The following CDC25C variants were observed in gnomAD, a reference collection of about 807,000 sequenced individuals.
CDC25C encodes the protein cell division cycle 25C, also known as M-phase inducer phosphatase 3.
CDC25C carries 48 observed loss-of-function variants against 52.5 expected under a neutral mutation model. That is an observed-to-expected ratio of 0.91 (90% CI 0.72 to 1.16). The LOEUF (loss-of-function observed/expected upper bound fraction) is 1.16, where lower values mean the gene tolerates loss of function less well. Among genes scored for constraint, CDC25C ranks in the 50% most tolerant of loss-of-function variants. The pLI is 0.00. For missense variants in CDC25C, 510 were observed against 566.1 expected (o/e 0.90, Z 1.01); for synonymous variants, 187 against 206.5 (o/e 0.91, Z 0.81).
chr5:138,285,564 G>A lies in CDC25C; in HGVS notation c.*128C>T, dbSNP rs1756135381. On this transcript the variant is annotated 3_prime_UTR_variant, in exon 14 of 14. Coordinates refer to ENST00000323760, the MANE Select transcript of CDC25C (RefSeq NM_001790.5). ...CCATTCCCAGGCCTGGATACAAGTTGGTAGCCTGTTGGTTTGCAGAGACAT... is the reference window on the plus strand; with the variant it reads ...CCATTCCCAGGCCTGGATACAAGTTAGTAGCCTGTTGGTTTGCAGAGACAT... 1 of 835,198 alleles carries A rather than the reference G, an allele frequency of 1.2e-6. No homozygotes were observed. The highest frequency in any genetic ancestry group is 2.1e-5 in the Admixed American group (1 of 46,522). 51.7% of individuals were successfully genotyped at this position (835,198 alleles called of 1,614,324 possible).
chr5:138,290,536 A>T, intron 9 of CDC25C, 103 bp downstream of exon 9: 1 of 708,560 alleles, frequency 1.4e-6, no homozygotes, highest in East Asian at 2.6e-5. Context: ...ACCAAAGAGT[A>T]CTTGGTGAGG....
At chr5:138,337,321 G>A (rs1580844454) in intron 1 of CDC25C, among the ~76,000 whole-genome samples, 2 of 152,160 alleles carry the variant, frequency 1.3e-5, no homozygotes, top group African/African-American at 4.8e-5. Context: ...GGAGGTGGTG[G>A]TAGTGGTGGA....
At chr5:138,303,422 C>G (rs912349172) in intron 7 of CDC25C, among the ~76,000 whole-genome samples, 1 of 152,118 alleles carries the variant, frequency 6.6e-6, no homozygotes, top group African/African-American at 2.4e-5. Context: ...GCCTACAAGG[C>G]CCTACACGAT....
chr5:138,323,072 C>T (rs1405816102), intron 6 of CDC25C, among the ~76,000 whole-genome samples: 1 of 151,466 alleles, frequency 6.6e-6, no homozygotes, highest in African/African-American at 2.4e-5. Flanking sequence ...TCTTGTTTCT[C>T]AGCCAGGTGC....
chr5:138,332,760 G>A (rs1284851977), upstream of CDC25C, among the ~76,000 whole-genome samples: 2 of 152,164 alleles, frequency 1.3e-5, no homozygotes, highest in East Asian at 1.9e-4. Flanking sequence ...CAGCTACTTG[G>A]GAGGCTGAGG....
At chr5:138,301,702 AAAATTTTTTTTTTTTT>A (rs1327243002) in intron 7 of CDC25C, among the ~76,000 whole-genome samples, 1 of 120,922 alleles carries the variant, frequency 8.3e-6, no homozygotes, top group African/African-American at 3.2e-5. Context: ...AAAAAAAAAA[AAAATTTTTTTTTTTTT>A]TTTCAGATGG....
In CDC25C at chr5:138,286,612, T is replaced by C; in HGVS notation, c.1045A>G (p.Ser349Gly). The C allele has an allele frequency of 3.7e-6, 6 of 1,613,186 alleles. No homozygotes were observed. Among genetic ancestry groups the C allele is most frequent in the Non-Finnish European group, 4.2e-6 (5 of 1,179,446 alleles). The change falls in exon 12 of 14, where the codon AGT becomes GGT. Residue 349 changes from serine to glycine, a missense_variant. By Grantham distance (56) the Ser-to-Gly change is moderately conservative. Coordinates refer to ENST00000323760, the MANE Select transcript of CDC25C (RefSeq NM_001790.5). ...GHIQGALNLY[S>G]QEELFNFFLK... Reference sequence around the variant, plus strand: ...AAGAAGTTAAACAGTTCTTCCTGACTATATAAGTTTAAGGCTCCCTGTAGA... The same window carrying C: ...AAGAAGTTAAACAGTTCTTCCTGACCATATAAGTTTAAGGCTCCCTGTAGA...
At chr5:138,288,680 G>A (rs1293958158) in intron 10 of CDC25C, among the ~76,000 whole-genome samples, 6 of 152,224 alleles carry the variant, frequency 3.9e-5, no homozygotes, top group African/African-American at 9.6e-5. Flanking sequence ...CAACAAGAGC[G>A]AAACTCCATG....
At chr5:138,310,422 A>G (rs1305561332) in intron 7 of CDC25C, among the ~76,000 whole-genome samples, 1 of 152,088 alleles carries the variant, frequency 6.6e-6, no homozygotes, top group Non-Finnish European at 1.5e-5. Context: ...CTCGCCTCGC[A>G]CTCTCCTCTG....
intron 7 of CDC25C, among the ~76,000 whole-genome samples, chr5:138,304,916 T>C (rs1757891274): frequency 6.6e-6 from 1 of 152,176 alleles, no homozygotes; most frequent in African/African-American, 2.4e-5. Context: ...CTCCCTTCAG[T>C]AGCAACTCAT....
Position 138,285,519 on chromosome 5 carries a change from C to T in CDC25C, c.*173G>A, listed in dbSNP as rs1159064010. The T allele has an allele frequency of 4.5e-6, 3 of 670,930 alleles. No homozygotes were observed. The highest frequency in any genetic ancestry group is 7.8e-6 in the Non-Finnish European group (3 of 385,796). 41.6% of individuals were successfully genotyped at this position (670,930 alleles called of 1,614,324 possible). A position where few individuals can be genotyped will look rare whatever the true frequency, so the allele number is the denominator to read the frequency against. On this transcript the variant is annotated 3_prime_UTR_variant, in exon 14 of 14. Transcript: ENST00000323760. ...GCTCCAGGACTCTGCCACCAGCTTT[C>T]AGCTCTGCTGAAACCTAATCCATTC...
chr5:138,304,805 T>C (rs1757884204), intron 7 of CDC25C, among the ~76,000 whole-genome samples: 1 of 152,084 alleles, frequency 6.6e-6, no homozygotes. Flanking sequence ...AAACCACCCG[T>C]TGACTTCCAA....
At chr5:138,319,454 C>A in intron 6 of CDC25C, 80 bp from the exon 7 acceptor site, 2 of 1,112,152 alleles carry the variant, frequency 1.8e-6, no homozygotes, top group Non-Finnish European at 2.5e-6. Flanking sequence ...CTATAAAACT[C>A]TTAGAAGAAA....
Position 138,292,177 on chromosome 5 carries a change from GCAA to G in CDC25C, c.616-64_616-62del, listed in dbSNP as rs1018327460. 1.7e-5 allele frequency: 23 copies of G among 1,338,070 alleles called. No homozygotes were observed. In the African/African-American group the frequency reaches 2.7e-4, roughly 15 times the overall value. The allele number at this position is 1,338,070 out of a possible 1,614,324, so 82.9% of individuals were successfully genotyped here. On this transcript the variant is annotated intron_variant, in intron 7 of 13. Transcript: ENST00000323760. Reference sequence around the variant, plus strand: ...CTCCAAGTGTGTCTGCAGACCTGCAGCAACAACATCTCCTGGGAGCTTCTTTGA... The same window carrying G: ...CTCCAAGTGTGTCTGCAGACCTGCAGCAACATCTCCTGGGAGCTTCTTTGA...
At chr5:138,325,941 T>G in intron 5 of CDC25C, 37 bp from the exon 6 acceptor site, 4 of 1,611,654 alleles carry the variant, frequency 2.5e-6, no homozygotes, top group Non-Finnish European at 3.4e-6. Context: ...TCCAGCATCC[T>G]CAAGCCACAG....
upstream of CDC25C, among the ~76,000 whole-genome samples, chr5:138,334,143 A>T (rs1238202291): frequency 6.6e-6 from 1 of 152,000 alleles, no homozygotes; most frequent in Non-Finnish European, 1.5e-5. Flanking sequence ...CATATTGTCC[A>T]GGCTGTTCTG....
At chr5:138,337,862 A>G in intron 1 of CDC25C, 12 of 813,982 alleles carry the variant, frequency 1.5e-5, no homozygotes, top group Non-Finnish European at 2.1e-5. Flanking sequence ...GGTGAGGGGC[A>G]CTGTGGCTAA....
intron 4 of CDC25C, among the ~76,000 whole-genome samples, chr5:138,327,072 T>C (rs375713544): frequency 6.7e-6 from 1 of 149,704 alleles, no homozygotes; most frequent in South Asian, 2.1e-4. Context: ...CTGGCCAACA[T>C]GGTGAAACCC....
At position 138,292,103 on chromosome 5, in the gene CDC25C, C is replaced by A. The variant is rs756396023; in HGVS notation, c.629G>T (p.Gly210Val). 1.9e-5 allele frequency: 31 copies of A among 1,612,180 alleles called. 1 individual carries two copies. The South Asian group carries it at 3.1e-4, about 16-fold the overall frequency. ...KDQEAKVSRSGLYRSPSMPEN... is the reference protein window; with the variant it reads ...KDQEAKVSRSVLYRSPSMPEN... ...TGGCATCGACGGGGAGCGATATAGGCCACTTCTGCTCACCTGTTTGGGAAT... is the reference window on the plus strand; with the variant it reads ...TGGCATCGACGGGGAGCGATATAGGACACTTCTGCTCACCTGTTTGGGAAT... Residue 210 changes from glycine to valine, a missense_variant, in exon 8 of 14, where the codon GGC becomes GTC. By Grantham distance (109) the Gly-to-Val change is moderately radical. Coordinates refer to ENST00000323760, the MANE Select transcript of CDC25C (RefSeq NM_001790.5).
Sources: allele counts gnomAD v4.1 joint callset (sites outside exome capture counted in the v4.1 genomes callset), GRCh38; gene constraint gnomAD v4.1.1; transcripts MANE v1.5; gene names NCBI Gene and HGNC (gene_info 2026-07-23, HGNC 2026-07-21).